Variants in SNX29 observed in about 807,000 individuals in gnomAD.
The protein encoded by SNX29 is sorting nexin 29.
Under a neutral mutation model 102.1 loss-of-function variants are expected in SNX29, and 78 were observed. The observed-to-expected ratio is 0.76, with a 90% confidence interval of 0.64 to 0.92. SNX29 has a LOEUF of 0.92. Among genes scored for constraint, SNX29 ranks in the 40% least tolerant of loss-of-function variants. SNX29 has a pLI of 0.00. For missense variants in SNX29, 1,280 were observed against 1,061.7 expected (o/e 1.21, Z -2.86); for synonymous variants, 580 against 414.5 (o/e 1.40, Z -4.85).
intron 3 of SNX29, among the ~76,000 whole-genome samples, chr16:12,020,855 C>G (rs547612063): frequency 4.8e-4 from 73 of 152,228 alleles, no homozygotes; most frequent in African/African-American, 1.7e-3. Flanking sequence ...AACTCCTGAC[C>G]TCAGGTGATC....
At chr16:12,063,713 A>T (rs1308556546) in intron 9 of SNX29, among the ~76,000 whole-genome samples, 2 of 150,412 alleles carry the variant, frequency 1.3e-5, no homozygotes, top group African/African-American at 4.9e-5. Flanking sequence ...GTTCATTCTC[A>T]TGCCCTCCTT....
At chr16:12,235,742 AAACTT>A (rs1345151396) in intron 14 of SNX29, among the ~76,000 whole-genome samples, 5 of 152,136 alleles carry the variant, frequency 3.3e-5, no homozygotes, top group Admixed American at 6.5e-5. Flanking sequence ...TTTGAACAGA[AAACTT>A]AAACACAATA....
intron 11 of SNX29, among the ~76,000 whole-genome samples, chr16:12,088,659 A>G (rs886108809): frequency 8.5e-5 from 13 of 152,184 alleles, no homozygotes; most frequent in Non-Finnish European, 4.4e-5. Context: ...TTCAAACACA[A>G]TTTATGGCCG....
intron 14 of SNX29, among the ~76,000 whole-genome samples, chr16:12,252,607 G>A (rs759407443): frequency 2.0e-5 from 3 of 152,282 alleles, no homozygotes; most frequent in East Asian, 1.9e-4. Flanking sequence ...TGCATTTCCC[G>A]GTTCCATCAG....
rs578118276 is a variant in SNX29, at chr16:12,370,481, A to T, written c.1899+14202A>T. On this transcript the variant is annotated intron_variant, in intron 16 of 20. Transcript: ENST00000566228. Reference sequence around the variant, plus strand: ...AGGGTGAGGCAGGATAATTGCTTGAACCTGGGAGGTGGAGGTTGCAGCAAG... The same window carrying T: ...AGGGTGAGGCAGGATAATTGCTTGATCCTGGGAGGTGGAGGTTGCAGCAAG... Among the ~76,000 whole-genome samples the T allele has an allele frequency of 8.3e-4, 126 of 152,242 alleles. 1 individual carries two copies. Among genetic ancestry groups the T allele is most frequent in the African/African-American group, 2.8e-3 (117 of 41,548 alleles).
chr16:12,222,420 G>T (rs1301292437), intron 14 of SNX29, among the ~76,000 whole-genome samples: 1 of 152,204 alleles, frequency 6.6e-6, no homozygotes, highest in African/African-American at 2.4e-5. Context: ...AAGGGAAAAA[G>T]ACCACTTGAT....
intron 11 of SNX29, among the ~76,000 whole-genome samples, chr16:12,124,890 C>T (rs992581402): frequency 3.3e-5 from 5 of 152,170 alleles, no homozygotes; most frequent in African/African-American, 7.2e-5. Context: ...GAGGGGACCC[C>T]GCAGCATGGC....
chr16:12,013,143 T>C (rs1162929171), intron 3 of SNX29, among the ~76,000 whole-genome samples: 1 of 151,746 alleles, frequency 6.6e-6, no homozygotes, highest in African/African-American at 2.4e-5. Flanking sequence ...ATTCAGTGAT[T>C]ACCCAGATGT....
chr16:12,294,885 G>A lies in SNX29; in HGVS notation c.1782+16849G>A, dbSNP rs532940657. On this transcript the variant is annotated intron_variant, in intron 15 of 20. Transcript: ENST00000566228. ...CTGATAAAGACATATCTGAGACTGG[G>A]TAATTTATTTAAAAAAAAAAGGCTT... 6.6e-5 allele frequency among the ~76,000 whole-genome samples: 10 copies of A among 151,716 alleles called. No individual in the cohort carries two copies. The South Asian group carries it at 2.1e-3, about 32-fold the overall frequency.
chr16:12,164,121 C>T (rs563115455), intron 13 of SNX29, among the ~76,000 whole-genome samples: 3 of 152,040 alleles, frequency 2.0e-5, no homozygotes, highest in South Asian at 4.2e-4. Context: ...GGAGCCAAGA[C>T]TGGAAGGATG....
intron 14 of SNX29, among the ~76,000 whole-genome samples, chr16:12,200,482 CGT>C (rs2076885443): frequency 3.8e-5 from 3 of 78,452 alleles, no homozygotes; most frequent in Admixed American, 3.9e-4. Context: ...CCCACATTCA[CGT>C]GTCTTTTTTT....
rs757429930 is a variant in SNX29 at position 12,046,431 on chromosome 16, G to C, written c.476G>C (p.Ser159Thr). The C allele has an allele frequency of 1.9e-6, 3 of 1,613,878 alleles. No individual in the cohort carries two copies. The highest frequency in any genetic ancestry group is 2.5e-6 in the Non-Finnish European group (3 of 1,179,786). The change falls in exon 6 of 21, where the codon AGT becomes ACT. Residue 159 changes from serine (S) to threonine (T), a missense_variant. Transcript: ENST00000566228. ...WSFVMDEERS[S>T]MLPTMAAGLN... ...TTTGTGATGGATGAAGAAAGGTCCA[G>C]TATGCTTCCTACCATGGCAGCAGGT...
In SNX29 at chr16:12,015,777, T is replaced by C. The variant is rs1222626001; in HGVS notation, c.123-11543T>C. The stretch of plus-strand genomic sequence containing the variant: ...GTCTCGATCTCCTGACCTCGTGATC[T>C]GCCCACCTTGGCCTCCCAAAGTGCT... On this transcript the variant is annotated intron_variant, in intron 3 of 20. Transcript: ENST00000566228. 3.3e-5 allele frequency among the ~76,000 whole-genome samples: 5 copies of C among 152,060 alleles called. No homozygotes were observed. In the East Asian group the frequency reaches 9.6e-4, roughly 29 times the overall value.
At chr16:12,539,094 A>C (rs2077207901) in intron 20 of SNX29, among the ~76,000 whole-genome samples, 1 of 152,356 alleles carries the variant, frequency 6.6e-6, no homozygotes, top group East Asian at 1.9e-4. Flanking sequence ...GATTGCCCAG[A>C]GTCCTACTTG....
At chr16:11,996,624 C>T (rs1246469335) in intron 1 of SNX29, among the ~76,000 whole-genome samples, 3 of 152,112 alleles carry the variant, frequency 2.0e-5, no homozygotes, top group African/African-American at 4.8e-5. Context: ...GTCAAGTTTC[C>T]AGTTGGCATT....
chr16:12,551,865 G>T (rs959276269), intron 20 of SNX29, among the ~76,000 whole-genome samples: 2 of 152,150 alleles, frequency 1.3e-5, no homozygotes, highest in African/African-American at 4.8e-5. Flanking sequence ...GCAGGCAGGT[G>T]ATATTTCTAG....
chr16:12,116,130 G>T (rs148915122), intron 11 of SNX29, among the ~76,000 whole-genome samples: 1 of 152,298 alleles, frequency 6.6e-6, no homozygotes, highest in African/African-American at 2.4e-5. Context: ...TCTCCTAATT[G>T]TGGGAAACAG....
At chr16:12,420,413 T>A (rs1342327191) in intron 18 of SNX29, among the ~76,000 whole-genome samples, 1 of 152,170 alleles carries the variant, frequency 6.6e-6, no homozygotes, top group Non-Finnish European at 1.5e-5. Flanking sequence ...GGGTGTTTCA[T>A]CTTCTCTTCC....
At chr16:12,545,186 G>T (rs1425434618) in intron 20 of SNX29, among the ~76,000 whole-genome samples, 1 of 152,144 alleles carries the variant, frequency 6.6e-6, no homozygotes. Flanking sequence ...AACAAATATG[G>T]TCAATACAAA....
Sources: allele counts gnomAD v4.1 joint callset (sites outside exome capture counted in the v4.1 genomes callset), GRCh38; gene constraint gnomAD v4.1.1; transcripts MANE v1.5; gene names NCBI Gene and HGNC (gene_info 2026-07-23, HGNC 2026-07-21).